The following TBX19 variants were observed in gnomAD, a reference collection of about 807,000 sequenced individuals.
The protein encoded by TBX19 is T-box transcription factor 19, also known as T-box transcription factor TBX19.
A neutral mutation model predicts 40.9 loss-of-function variants in TBX19; 33 were observed. That is an observed-to-expected ratio of 0.81 (90% CI 0.61 to 1.08). The LOEUF (loss-of-function observed/expected upper bound fraction) is 1.08, where lower values mean the gene tolerates loss of function less well. TBX19 is among the 50% of genes least tolerant of loss of function. The pLI is 0.00. For synonymous variants in TBX19, 220 were observed against 225.0 expected, an observed-to-expected ratio of 0.98 and a Z score of 0.20; for missense variants, 494 against 574.0, an observed-to-expected ratio of 0.86 and a Z score of 1.42.
chr1:168,295,863 C>T (rs1480270637), intron 3 of TBX19, among the ~76,000 whole-genome samples: 2 of 152,268 alleles, frequency 1.3e-5, no homozygotes, highest in East Asian at 1.9e-4. Context: ...TGGTGGTGTG[C>T]GGAACTTGTC....
At chr1:168,303,734 G>A (rs936109272) in intron 5 of TBX19, among the ~76,000 whole-genome samples, 10 of 152,188 alleles carry the variant, frequency 6.6e-5, no homozygotes, top group African/African-American at 2.4e-4. Flanking sequence ...TTTCAGGAAA[G>A]GGGCGGGCAA....
rs767736352 is a variant in TBX19 at position 168,297,775 on chromosome 1, G to A, written c.655G>A (p.Ala219Thr). 2 of 1,613,816 alleles carry A rather than the reference G, an allele frequency of 1.2e-6. No homozygotes were observed. The highest frequency in any genetic ancestry group is 4.5e-5 in the East Asian group (2 of 44,882). The change falls in exon 4 of 8, where the codon GCC becomes ACC. Residue 219 changes from alanine (A) to threonine (T), a missense_variant. By Grantham distance (58) the Ala-to-Thr change is moderately conservative. Transcript: ENST00000367821. ...TCCTTTTGCCAAAGCCTTCTTGGAT[G>A]CCAAGGAAAGGTAAGTAAAGAAATT... ...YNPFAKAFLD[A>T]KERNHLRDVP... is the part of the protein sequence containing the mutation.
At position 168,308,850 on chromosome 1, in the gene TBX19, C is replaced by T. The variant is rs372264894; in HGVS notation, c.1025C>T (p.Thr342Ile). 6.2e-7 allele frequency: 1 copy of T among 1,614,134 alleles called. No individual in the cohort carries two copies. The highest frequency in any genetic ancestry group is 8.5e-7 in the Non-Finnish European group (1 of 1,180,014). The stretch of plus-strand genomic sequence containing the variant: ...GCCAGCATCCTGTCTGTACCCCACA[C>T]CAACGGACCAATCAATCCAGGGCCC... ...PHASILSVPH[T>I]NGPINPGPSP... Residue 342 changes from threonine (T) to isoleucine (I), a missense_variant, in exon 7 of 8, where the codon ACC becomes ATC. Around this residue, in one of 3 missense-constraint regions of TBX19, gnomAD observed 284 missense variants for 307.3 expected, o/e 0.92. Transcript: ENST00000367821.
At chr1:168,293,326 T>G (rs752583128) in intron 3 of TBX19, 48 bp downstream of exon 3, 1 of 1,514,350 alleles carries the variant, frequency 6.6e-7, no homozygotes, top group Non-Finnish European at 8.9e-7. Context: ...TGTGTGTGTG[T>G]AACTGTCACC....
intron 5 of TBX19, among the ~76,000 whole-genome samples, chr1:168,301,556 C>T (rs770620121): frequency 2.0e-5 from 3 of 152,120 alleles, no homozygotes; most frequent in Admixed American, 6.5e-5. Flanking sequence ...CCATTGCCCC[C>T]GGCCGAAAAG....
intron 5 of TBX19, among the ~76,000 whole-genome samples, chr1:168,301,641 G>A (rs1283949266): frequency 2.0e-5 from 3 of 152,200 alleles, no homozygotes; most frequent in African/African-American, 7.2e-5. Context: ...GTTTATTTGG[G>A]TCAAGTTTGA....
rs992550124 is a variant in TBX19 at position 168,308,142 on chromosome 1, T to A, written c.917-600T>A. The A allele has an allele frequency of 2.2e-4, 27 of 125,354 alleles. No individual in the cohort carries two copies. In the Admixed American group the frequency reaches 2.2e-3, roughly 10 times the overall value. The allele number at this position is 125,354 out of a possible 1,614,324, so 7.8% of individuals were successfully genotyped here. On this transcript the variant is annotated intron_variant, in intron 6 of 7. Coordinates refer to ENST00000367821, the MANE Select transcript of TBX19 (RefSeq NM_005149.3). ...TTTGTAAAAAGGTATGTTTTTTTCTTAATTTTTTTTTTTTTTAATTGTAGA... is the reference window on the plus strand; with the variant it reads ...TTTGTAAAAAGGTATGTTTTTTTCTAAATTTTTTTTTTTTTTAATTGTAGA...
intron 3 of TBX19, among the ~76,000 whole-genome samples, chr1:168,296,634 T>C: frequency 6.6e-6 from 1 of 152,108 alleles, no homozygotes; most frequent in South Asian, 2.1e-4. Flanking sequence ...AAGATGAAAT[T>C]TGGGTAGGGA....
intron 4 of TBX19, among the ~76,000 whole-genome samples, chr1:168,300,159 T>A (rs1649241987): frequency 6.6e-6 from 1 of 152,040 alleles, no homozygotes; most frequent in South Asian, 2.1e-4. Context: ...ATCCCCAAAT[T>A]ATTCAGATCA....
intron 5 of TBX19, among the ~76,000 whole-genome samples, chr1:168,302,160 G>C (rs1649291100): frequency 6.6e-6 from 1 of 152,178 alleles, no homozygotes; most frequent in African/African-American, 2.4e-5. Flanking sequence ...ATGTGGCAAA[G>C]TCTGGTTCTG....
chr1:168,294,211 T>C (rs779578544), intron 3 of TBX19, among the ~76,000 whole-genome samples: 18 of 152,232 alleles, frequency 1.2e-4, no homozygotes, highest in Non-Finnish European at 2.6e-4. Context: ...TGATTACCTT[T>C]CTATGTAATT....
rs1357431290 is a variant in TBX19, at chr1:168,300,435, G to A, written c.679G>A (p.Asp227Asn). The A allele has an allele frequency of 6.2e-7, 1 of 1,614,172 alleles. No individual in the cohort carries two copies. Among genetic ancestry groups the A allele is most frequent in the East Asian group, 2.2e-5 (1 of 44,880 alleles). The change falls in exon 5 of 8, where the codon GAC becomes AAC. Residue 227 changes from aspartate to asparagine, a missense_variant. By Grantham distance (23) the Asp-to-Asn change is conservative (BLOSUM62 1). Transcript: ENST00000367821. The stretch of plus-strand genomic sequence containing the variant: ...TTACTCTTTCAGAAATCACCTAAGA[G>A]ACGTACCGGAGGCTATCTCTGAGAG... ...LDAKERNHLR[D>N]VPEAISESQH... is the part of the protein sequence containing the mutation.
intron 5 of TBX19, among the ~76,000 whole-genome samples, chr1:168,304,179 A>T (rs1649346437): frequency 6.6e-6 from 1 of 152,244 alleles, no homozygotes; most frequent in South Asian, 2.1e-4. Context: ...GAATCTGGCC[A>T]TGCCATTTTG....
chr1:168,300,553 A>T, intron 5 of TBX19, 70 bp downstream of exon 5: 1 of 1,425,496 alleles, frequency 7.0e-7, no homozygotes, highest in Non-Finnish European at 9.9e-7. Flanking sequence ...CCACACTCAG[A>T]CTCTTTGCCT....
chr1:168,298,922 TCTTC>T (rs1250851560), intron 4 of TBX19, among the ~76,000 whole-genome samples: 2 of 143,990 alleles, frequency 1.4e-5, no homozygotes, highest in East Asian at 2.0e-4. Flanking sequence ...TTTCTTTCAT[TCTTC>T]CTTCCTTCTT....
At chr1:168,289,751 G>C (rs1288598834) in intron 1 of TBX19, among the ~76,000 whole-genome samples, 2 of 152,168 alleles carry the variant, frequency 1.3e-5, no homozygotes, top group East Asian at 1.9e-4. Flanking sequence ...TTACACCCAA[G>C]CCCTTCGGCT....
At chr1:168,283,153 G>A (rs1190900700) in intron 1 of TBX19, among the ~76,000 whole-genome samples, 2 of 152,164 alleles carry the variant, frequency 1.3e-5, no homozygotes, top group Non-Finnish European at 2.9e-5. Flanking sequence ...TGGGCAACAC[G>A]GTGAGACCCT....
At chr1:168,288,131 C>A (rs1346017203) in intron 1 of TBX19, among the ~76,000 whole-genome samples, 1 of 152,186 alleles carries the variant, frequency 6.6e-6, no homozygotes, top group Non-Finnish European at 1.5e-5. Context: ...ATATCAAAAT[C>A]TGAGGATGCT....
chr1:168,282,204 AT>A (rs1284261087), intron 1 of TBX19, among the ~76,000 whole-genome samples: 4 of 152,212 alleles, frequency 2.6e-5, no homozygotes, highest in Non-Finnish European at 4.4e-5. Context: ...AACTCTAATT[AT>A]GACACCCTCG....
Sources: allele counts gnomAD v4.1 joint callset (sites outside exome capture counted in the v4.1 genomes callset), GRCh38; gene constraint gnomAD v4.1.1; regional missense constraint gnomAD v4.1.1; transcripts MANE v1.5; gene names NCBI Gene and HGNC (gene_info 2026-07-23, HGNC 2026-07-21).